The following MTA3 variants were observed in gnomAD, a reference collection of about 807,000 sequenced individuals.
MTA3 encodes the protein metastasis-associated protein MTA3.
MTA3 carries 34 observed loss-of-function variants against 83.5 expected under a neutral mutation model. That is an observed-to-expected ratio of 0.41 (90% CI 0.31 to 0.54). MTA3 has a LOEUF of 0.54. Ranked by LOEUF, MTA3 falls within the 20% of genes least tolerant of loss-of-function variation. MTA3 has a pLI of 0.33. For synonymous variants in MTA3, 303 were observed against 252.7 expected (o/e 1.20, Z -1.89); for missense variants, 761 against 726.4 (o/e 1.05, Z -0.55).
Position 42,694,193 on chromosome 2 carries a change from T to C in MTA3, c.892-1572T>C, listed in dbSNP as rs1231780820. ...CCTTAAGCAGAAGGAAGGAGACATTTTTGCCCCTGAGCTGTACTGCCTAGG... is the reference window on the plus strand; with the variant it reads ...CCTTAAGCAGAAGGAAGGAGACATTCTTGCCCCTGAGCTGTACTGCCTAGG... On this transcript the variant is annotated intron_variant, in intron 9 of 16. Coordinates refer to ENST00000405094, the MANE Select transcript of MTA3 (RefSeq NM_001330442.2). Among the ~76,000 whole-genome samples the C allele has an allele frequency of 3.3e-5, 5 of 152,118 alleles. No homozygotes were observed. The East Asian group carries it at 9.6e-4, about 29-fold the overall frequency.
chr2:42,534,634 C>A (rs1314488484), intron 2 of MTA3, among the ~76,000 whole-genome samples: 1 of 152,180 alleles, frequency 6.6e-6, no homozygotes, highest in South Asian at 2.1e-4. Context: ...ATAAAATGGA[C>A]AAACCCCAAA....
chr2:42,664,155 A>G (rs1453604070), intron 8 of MTA3, among the ~76,000 whole-genome samples: 1 of 152,166 alleles, frequency 6.6e-6, no homozygotes, highest in African/African-American at 2.4e-5. Flanking sequence ...TTGAGGCAGC[A>G]CTGAAGAAGA....
chr2:42,616,510 TGCTTTTATTCTTTAAGGAAATAA>T (rs1479835591), intron 4 of MTA3, among the ~76,000 whole-genome samples: 1 of 151,760 alleles, frequency 6.6e-6, no homozygotes, highest in Non-Finnish European at 1.5e-5. Context: ...CATTTAATTT[TGCTTTTATTCTTTAAGGAAATAA>T]GCCATTCACA....
At chr2:42,745,247 G>A (rs1669324711) in intron 16 of MTA3, among the ~76,000 whole-genome samples, 1 of 152,210 alleles carries the variant, frequency 6.6e-6, no homozygotes, top group Non-Finnish European at 1.5e-5. Flanking sequence ...GTTAGATGGA[G>A]ATTCCCAAAG....
At chr2:42,753,100 T>G (rs527417619) in intron 16 of MTA3, among the ~76,000 whole-genome samples, 2 of 152,182 alleles carry the variant, frequency 1.3e-5, no homozygotes, top group Admixed American at 6.5e-5. Context: ...TAACTTTTTA[T>G]TTTTATTTTG....
At chr2:42,622,393 G>C (rs1442476681) in intron 4 of MTA3, among the ~76,000 whole-genome samples, 2 of 149,902 alleles carry the variant, frequency 1.3e-5, no homozygotes, top group African/African-American at 4.9e-5. Flanking sequence ...GAGGGAGACC[G>C]TGGGGAGAGG....
rs187157237 is a variant in MTA3 at position 42,585,460 on chromosome 2, C to A, written c.190+6260C>A. Among the ~76,000 whole-genome samples, 4 of 146,706 alleles carry A rather than the reference C, an allele frequency of 2.7e-5. No individual in the cohort carries two copies. The East Asian group carries it at 8.0e-4, about 29-fold the overall frequency. ...TAACAATATGAAAGACCAAATGATT[C>A]TTTTTTCTTTCTTTTCTTTTTTTTT... On this transcript the variant is annotated intron_variant, in intron 3 of 16. Coordinates refer to ENST00000405094, the MANE Select transcript of MTA3 (RefSeq NM_001330442.2).
chr2:42,546,239 T>C (rs1179874629), intron 2 of MTA3, among the ~76,000 whole-genome samples: 2 of 152,128 alleles, frequency 1.3e-5, no homozygotes, highest in Non-Finnish European at 2.9e-5. Context: ...GATTTCTCCA[T>C]TGTTACATGC....
At chr2:42,668,312 C>G (rs1405159496) in intron 8 of MTA3, among the ~76,000 whole-genome samples, 1 of 152,274 alleles carries the variant, frequency 6.6e-6, no homozygotes, top group Non-Finnish European at 1.5e-5. Context: ...AGTTTATGTA[C>G]CTTCATTTTA....
chr2:42,702,330 A>C (rs1665660741), intron 11 of MTA3: 1 of 152,272 alleles, frequency 6.6e-6, no homozygotes, highest in Non-Finnish European at 1.5e-5. Flanking sequence ...ATCTCAGTGC[A>C]CACAGTGGTT....
chr2:42,500,967 C>T (rs767709624), intron 2 of MTA3, among the ~76,000 whole-genome samples: 4 of 151,964 alleles, frequency 2.6e-5, no homozygotes, highest in Non-Finnish European at 4.4e-5. Context: ...CCTGCCACTA[C>T]GCCCGGCTAA....
chr2:42,581,613 C>T (rs1032564692), intron 3 of MTA3, among the ~76,000 whole-genome samples: 1 of 150,678 alleles, frequency 6.6e-6, no homozygotes, highest in African/African-American at 2.4e-5. Flanking sequence ...AAACTATTGG[C>T]CTCAAGCAGT....
chr2:42,560,456 C>T (rs913460446), intron 2 of MTA3, among the ~76,000 whole-genome samples: 4 of 151,560 alleles, frequency 2.6e-5, no homozygotes, highest in African/African-American at 9.7e-5. Context: ...GCCTGGCCAA[C>T]AATGCGAAAG....
At chr2:42,703,673 G>A (rs2028340) in intron 11 of MTA3, 99,508 of 152,220 alleles carry the variant, frequency 0.65, 33,334 homozygotes, top group African/African-American at 0.81. Flanking sequence ...GGCGGATCAC[G>A]AGGTCAGGAG....
At chr2:42,551,483 G>C (rs529605580) in intron 2 of MTA3, among the ~76,000 whole-genome samples, 44 of 152,146 alleles carry the variant, frequency 2.9e-4, no homozygotes, top group African/African-American at 1.1e-3. Flanking sequence ...GAGTCACCAC[G>C]CTGGCTTTAT....
At chr2:42,616,768 G>A (rs950542345) in intron 4 of MTA3, among the ~76,000 whole-genome samples, 2 of 151,562 alleles carry the variant, frequency 1.3e-5, no homozygotes, top group East Asian at 2.0e-4. Flanking sequence ...TTGTAGAGAC[G>A]GGGTTTCGTT....
chr2:42,723,180 A>G (rs1439469708), intron 16 of MTA3, 145 bp downstream of exon 16: 1 of 982,146 alleles, frequency 1.0e-6, no homozygotes, highest in Admixed American at 2.8e-5. Context: ...GGGGGAATAC[A>G]GCCATATGCC....
At chr2:42,716,103 C>T (rs897205986) in intron 14 of MTA3, among the ~76,000 whole-genome samples, 1 of 152,104 alleles carries the variant, frequency 6.6e-6, no homozygotes, top group Non-Finnish European at 1.5e-5. Flanking sequence ...TATATTTCTG[C>T]CTGTATCTTC....
At chr2:42,509,389 C>T (rs931203534) in intron 2 of MTA3, among the ~76,000 whole-genome samples, 1 of 152,130 alleles carries the variant, frequency 6.6e-6, no homozygotes, top group Non-Finnish European at 1.5e-5. Context: ...ATGCTGTTCA[C>T]TTCCTTTGAG....
Sources: gnomAD v4.1 joint callset for allele counts (sites outside exome capture counted in the v4.1 genomes callset) on GRCh38, gnomAD v4.1.1 for gene constraint, MANE v1.5 for transcripts, NCBI Gene and HGNC (gene_info 2026-07-23, HGNC 2026-07-21) for gene names.